The following CAMK4 variants were observed in gnomAD, a reference collection of about 807,000 sequenced individuals.
The protein encoded by CAMK4 is calcium/calmodulin dependent protein kinase IV.
A neutral mutation model predicts 44.9 loss-of-function variants in CAMK4; 22 were observed. The ratio of observed to expected loss-of-function variants is 0.49; its 90% CI spans 0.35 to 0.70. The LOEUF is 0.70. Ranked by LOEUF, CAMK4 falls within the 30% of genes least tolerant of loss-of-function variation. CAMK4 has a pLI of 0.01. For synonymous variants in CAMK4, 218 were observed against 215.4 expected, an observed-to-expected ratio of 1.01 and a Z score of -0.11; for missense variants, 498 against 586.8, an observed-to-expected ratio of 0.85 and a Z score of 1.56.
intron 5 of CAMK4, among the ~76,000 whole-genome samples, chr5:111,427,898 G>A (rs1001118170): frequency 1.3e-4 from 20 of 152,244 alleles, no homozygotes; most frequent in African/African-American, 4.6e-4. Context: ...AATGTAGGCG[G>A]TAGCCAGAGT....
intron 5 of CAMK4, among the ~76,000 whole-genome samples, chr5:111,429,080 G>C (rs976073265): frequency 1.3e-5 from 2 of 151,990 alleles, no homozygotes; most frequent in East Asian, 3.9e-4. Context: ...GCACCTTAAA[G>C]AATTAGAAAA....
intron 1 of CAMK4, among the ~76,000 whole-genome samples, chr5:111,312,926 C>G (rs759965995): frequency 6.6e-6 from 1 of 152,116 alleles, no homozygotes; most frequent in East Asian, 1.9e-4. Flanking sequence ...AATATTAAAA[C>G]TAACTTCCTT....
intron 1 of CAMK4, among the ~76,000 whole-genome samples, chr5:111,308,569 T>C (rs1184702177): frequency 6.6e-6 from 1 of 152,210 alleles, no homozygotes; most frequent in Admixed American, 6.5e-5. Context: ...CAATCCTTTT[T>C]GGAGATCAAT....
At chr5:111,293,077 T>C (rs1251597292) in intron 1 of CAMK4, among the ~76,000 whole-genome samples, 1 of 152,202 alleles carries the variant, frequency 6.6e-6, no homozygotes, top group African/African-American at 2.4e-5. Context: ...GGCTTGATTT[T>C]TATTAAACTG....
intron 1 of CAMK4, among the ~76,000 whole-genome samples, chr5:111,284,841 A>AT (rs547376080): frequency 3.3e-5 from 5 of 151,940 alleles, no homozygotes; most frequent in South Asian, 2.1e-4. Flanking sequence ...ATCTAACTTG[A>AT]TTTTTTTTGT....
In CAMK4 at chr5:111,446,668, A is replaced by G. The variant is rs762933144; in HGVS notation, c.460-18A>G. 3.8e-6 allele frequency: 5 copies of G among 1,312,042 alleles called. No homozygotes were observed. The highest frequency in any genetic ancestry group is 4.3e-6 in the Non-Finnish European group (4 of 920,344). The allele number at this position is 1,312,042 out of a possible 1,614,324, so 81.3% of individuals were successfully genotyped here. A position where few individuals can be genotyped will look rare whatever the true frequency, so the allele number is the denominator to read the frequency against. On this transcript the variant is annotated intron_variant, in intron 5 of 10. Transcript: ENST00000282356. The stretch of plus-strand genomic sequence containing the variant: ...AATAGCATTACACAAATGTTATTTC[A>G]TTATTTTCCCTCTTTAGTATCTACA...
At chr5:111,344,437 C>CATAA (rs1561427119) in intron 2 of CAMK4, among the ~76,000 whole-genome samples, 1 of 129,282 alleles carries the variant, frequency 7.7e-6, no homozygotes, top group Admixed American at 8.0e-5. Flanking sequence ...CACACATACA[C>CATAA]ACACACACAC....
chr5:111,249,658 GTA>G (rs377078281), intron 1 of CAMK4, among the ~76,000 whole-genome samples: 49 of 97,832 alleles, frequency 5.0e-4, no homozygotes, highest in Non-Finnish European at 7.4e-4. Context: ...GTGTGTGTGT[GTA>G]TATATATGTG....
chr5:111,357,697 A>G (rs1202617348), intron 2 of CAMK4, among the ~76,000 whole-genome samples: 2 of 152,114 alleles, frequency 1.3e-5, no homozygotes, highest in Non-Finnish European at 2.9e-5. Context: ...TTAGTTTTCA[A>G]CGTTTTTTAA....
At chr5:111,318,096 AG>A (rs11349411) in intron 1 of CAMK4, among the ~76,000 whole-genome samples, 55,018 of 151,782 alleles carry the variant, frequency 0.36, 11,142 homozygotes, top group East Asian at 0.6. Context: ...GCAAGAAGGT[AG>A]TTATGACTAG....
At chr5:111,457,137 T>C (rs1754444359) in intron 7 of CAMK4, among the ~76,000 whole-genome samples, 1 of 152,162 alleles carries the variant, frequency 6.6e-6, no homozygotes, top group Non-Finnish European at 1.5e-5. Flanking sequence ...GGACTATGAG[T>C]TTCTGAAATT....
Position 111,309,355 on chromosome 5 carries a change from A to C in CAMK4, c.162-34669A>C, listed in dbSNP as rs985127725. On this transcript the variant is annotated intron_variant, in intron 1 of 10. Coordinates refer to ENST00000282356, the MANE Select transcript of CAMK4 (RefSeq NM_001744.6). ...GAATGGCAGAAAAGGCAGCATGATC[A>C]AAGATGTGCATTTGTGGTGGGAACC... Among the ~76,000 whole-genome samples, 11 of 152,282 alleles carry C rather than the reference A, an allele frequency of 7.2e-5. 1 individual carries two copies. The highest frequency in any genetic ancestry group is 3.9e-4 in the East Asian group (2 of 5,182).
chr5:111,473,709 G>C (rs1203692401), intron 8 of CAMK4, among the ~76,000 whole-genome samples: 1 of 152,086 alleles, frequency 6.6e-6, no homozygotes, highest in African/African-American at 2.4e-5. Flanking sequence ...ACTTGCTCTT[G>C]TTTTACTTAT....
At chr5:111,324,794 CATAAT>C (rs1340531605) in intron 1 of CAMK4, among the ~76,000 whole-genome samples, 4 of 151,934 alleles carry the variant, frequency 2.6e-5, no homozygotes, top group Admixed American at 1.3e-4. Context: ...TATATTGAAA[CATAAT>C]ATACATCTCT....
chr5:111,326,953 A>G (rs1748917501), intron 1 of CAMK4, among the ~76,000 whole-genome samples: 1 of 151,984 alleles, frequency 6.6e-6, no homozygotes, highest in Non-Finnish European at 1.5e-5. Flanking sequence ...TGTTTAATTA[A>G]AATAAAATTC....
chr5:111,394,835 C>T (rs1324798790), intron 5 of CAMK4, 53 bp downstream of exon 5: 37 of 1,094,538 alleles, frequency 3.4e-5, no homozygotes, highest in Non-Finnish European at 4.9e-5. Flanking sequence ...CTTCCTTTTA[C>T]AGAATCATCA....
intron 5 of CAMK4, among the ~76,000 whole-genome samples, chr5:111,438,404 C>T (rs889964116): frequency 6.6e-6 from 1 of 152,104 alleles, no homozygotes; most frequent in African/African-American, 2.4e-5. Context: ...GCTAAATGTA[C>T]CCTGTATCTG....
chr5:111,230,707 G>A (rs1748428391), intron 1 of CAMK4, among the ~76,000 whole-genome samples: 2 of 152,054 alleles, frequency 1.3e-5, no homozygotes, highest in Admixed American at 6.6e-5. Flanking sequence ...ATATATGTGT[G>A]GGTTATGTGT....
intron 1 of CAMK4, among the ~76,000 whole-genome samples, chr5:111,262,614 T>C (rs1750037993): frequency 6.6e-6 from 1 of 152,204 alleles, no homozygotes; most frequent in Non-Finnish European, 1.5e-5. Flanking sequence ...CTTTTCCAGA[T>C]GCATAAATAT....
Sources: allele counts gnomAD v4.1 joint callset (sites outside exome capture counted in the v4.1 genomes callset), GRCh38; gene constraint gnomAD v4.1.1; transcripts MANE v1.5; gene names NCBI Gene and HGNC (gene_info 2026-07-23, HGNC 2026-07-21).